SLC30A6: variants seen among roughly 807,000 people sequenced by gnomAD.
The protein encoded by SLC30A6 is solute carrier family 30 member 6.
SLC30A6 carries 55 observed loss-of-function variants against 63.0 expected under a neutral mutation model. That is an observed-to-expected ratio of 0.87 (90% CI 0.70 to 1.09). The LOEUF (loss-of-function observed/expected upper bound fraction) is 1.09, where lower values mean the gene tolerates loss of function less well. Among genes scored for constraint, SLC30A6 ranks in the 50% least tolerant of loss-of-function variants. The pLI is 0.00. For synonymous variants in SLC30A6, 224 were observed against 186.1 expected, an observed-to-expected ratio of 1.20 and a Z score of -1.66; for missense variants, 587 against 549.2, an observed-to-expected ratio of 1.07 and a Z score of -0.69.
intron 10 of SLC30A6, chr2:32,203,780 T>G: frequency 6.7e-7 from 1 of 1,494,194 alleles, no homozygotes; most frequent in Non-Finnish European, 9.3e-7. Flanking sequence ...CCAGCCAAAT[T>G]ACCTGAAATT....
At chr2:32,206,066 A>G (rs1684742097) in intron 11 of SLC30A6, among the ~76,000 whole-genome samples, 1 of 152,150 alleles carries the variant, frequency 6.6e-6, no homozygotes, top group South Asian at 2.1e-4. Context: ...CCACTGAATC[A>G]GTGAGACTTT....
At chr2:32,209,371 G>T in intron 12 of SLC30A6, 122 bp from the exon 13 acceptor site, 1 of 680,622 alleles carries the variant, frequency 1.5e-6, no homozygotes. Context: ...CTTAGCTAAT[G>T]AGTGTCCTTG....
chr2:32,210,807 A>G (rs747973258), intron 13 of SLC30A6, among the ~76,000 whole-genome samples: 2 of 152,098 alleles, frequency 1.3e-5, no homozygotes, highest in Non-Finnish European at 2.9e-5. Context: ...ACCTTCCCCA[A>G]CTCTTTCCCT....
Position 32,170,799 on chromosome 2 carries a change from A to G in SLC30A6, c.4-488A>G, listed in dbSNP as rs575087491. Reference sequence around the variant, plus strand: ...TTTTTAGTAGAGACAGGGTTTTGCCATGTTGGCCAGGCTGGTCTCAAACTC... The same window carrying G: ...TTTTTAGTAGAGACAGGGTTTTGCCGTGTTGGCCAGGCTGGTCTCAAACTC... On this transcript the variant is annotated intron_variant, in intron 1 of 13. Coordinates refer to ENST00000282587, the MANE Select transcript of SLC30A6 (RefSeq NM_017964.5). Among the ~76,000 whole-genome samples, 140 of 152,282 alleles carry G rather than the reference A, an allele frequency of 9.2e-4. 1 individual carries two copies. The highest frequency in any genetic ancestry group is 3.1e-3 in the African/African-American group (129 of 41,564).
At position 32,221,029 on chromosome 2, in the gene SLC30A6, G is replaced by A; in HGVS notation, c.*316G>A. 1 of 268,398 alleles carries A rather than the reference G, an allele frequency of 3.7e-6. No individual in the cohort carries two copies. The highest frequency in any genetic ancestry group is 7.2e-6 in the Non-Finnish European group (1 of 139,552). 16.6% of individuals were successfully genotyped at this position (268,398 alleles called of 1,614,324 possible). A position where few individuals can be genotyped will look rare whatever the true frequency, so the allele number is the denominator to read the frequency against. ...ACCTTTATAAGAGCCACTTGATGGA[G>A]TAGATCTGTCACATTACTAAGATAC... On this transcript the variant is annotated 3_prime_UTR_variant, in exon 14 of 14. Coordinates refer to ENST00000282587, the MANE Select transcript of SLC30A6 (RefSeq NM_017964.5).
intron 13 of SLC30A6, among the ~76,000 whole-genome samples, chr2:32,211,915 C>T (rs532946820): frequency 1.2e-4 from 19 of 152,286 alleles, no homozygotes; most frequent in Admixed American, 4.6e-4. Flanking sequence ...CTACTGCGCT[C>T]GGCCCACAGT....
intron 4 of SLC30A6, among the ~76,000 whole-genome samples, chr2:32,181,233 G>A (rs931780292): frequency 2.0e-5 from 3 of 152,104 alleles, no homozygotes; most frequent in Admixed American, 2.0e-4. Flanking sequence ...GTAGTAATGG[G>A]AAGTAAATTC....
intron 4 of SLC30A6, among the ~76,000 whole-genome samples, chr2:32,180,624 G>A (rs1402936101): frequency 6.6e-6 from 1 of 151,910 alleles, no homozygotes; most frequent in African/African-American, 2.4e-5. Flanking sequence ...GTGGAGATGG[G>A]GTTTCACCAT....
intron 1 of SLC30A6, among the ~76,000 whole-genome samples, chr2:32,169,196 G>A (rs901480767): frequency 2.0e-5 from 3 of 151,852 alleles, no homozygotes; most frequent in African/African-American, 7.3e-5. Context: ...TTTATTTCGA[G>A]ATGGGGTCTC....
At position 32,171,363 on chromosome 2, in the gene SLC30A6, C is replaced by G; in HGVS notation, c.80C>G (p.Ala27Gly). 6.2e-7 allele frequency: 1 copy of G among 1,613,468 alleles called. No homozygotes were observed. Residue 27 changes from alanine (A) to glycine (G), a missense_variant, in exon 2 of 14, where the codon GCT becomes GGT. Transcript: ENST00000282587. ...TTACGGGAATTTAGACTTGTAGCAG[C>G]TGACCGAAGGGTAAGTTATTCCTTA... ...KLLREFRLVAADRRSWKILLF... is the reference protein window; with the variant it reads ...KLLREFRLVAGDRRSWKILLF...
chr2:32,192,872 C>T, intron 6 of SLC30A6, 46 bp from the exon 7 acceptor site: 1 of 1,248,030 alleles, frequency 8.0e-7, no homozygotes, highest in Non-Finnish European at 1.1e-6. Context: ...AGCTTTTTAA[C>T]TTTATAATTT....
intron 1 of SLC30A6, among the ~76,000 whole-genome samples, chr2:32,170,155 AG>A (rs1681069739): frequency 6.6e-6 from 1 of 152,170 alleles, no homozygotes; most frequent in Admixed American, 6.5e-5. Context: ...CTATTAAGAA[AG>A]GCTTCCCCCA....
At chr2:32,210,300 T>C (rs1400041867) in intron 13 of SLC30A6, among the ~76,000 whole-genome samples, 1 of 151,706 alleles carries the variant, frequency 6.6e-6, no homozygotes, top group African/African-American at 2.4e-5. Context: ...TCACCTGAGG[T>C]TGAGAGTTTG....
At chr2:32,203,025 C>T in intron 10 of SLC30A6, 1 of 1,200,394 alleles carries the variant, frequency 8.3e-7, no homozygotes, top group Admixed American at 1.7e-5. Context: ...AGCCATGAAT[C>T]CACACATAAA....
At chr2:32,211,095 A>T (rs1479915884) in intron 13 of SLC30A6, among the ~76,000 whole-genome samples, 1 of 152,056 alleles carries the variant, frequency 6.6e-6, no homozygotes, top group Non-Finnish European at 1.5e-5. Context: ...GTGTAATGAG[A>T]CTGTTTTCCT....
At chr2:32,190,184 C>T (rs1221205689) in intron 5 of SLC30A6, among the ~76,000 whole-genome samples, 1 of 151,976 alleles carries the variant, frequency 6.6e-6, no homozygotes, top group East Asian at 1.9e-4. Flanking sequence ...TTAGGCCGGG[C>T]GCGGTGGCTC....
chr2:32,180,740 G>A (rs1050676692), intron 4 of SLC30A6, among the ~76,000 whole-genome samples: 1 of 152,100 alleles, frequency 6.6e-6, no homozygotes, highest in African/African-American at 2.4e-5. Flanking sequence ...GCCCATGCAT[G>A]TACTTTAAAA....
At chr2:32,203,814 ATCT>A (rs1346532073) in intron 10 of SLC30A6, 86 of 1,449,756 alleles carry the variant, frequency 5.9e-5, no homozygotes, top group Non-Finnish European at 6.4e-5. Flanking sequence ...ATAGAAACAC[ATCT>A]TCTAATTCCA....
At chr2:32,210,238 G>C (rs1042123358) in intron 13 of SLC30A6, among the ~76,000 whole-genome samples, 1 of 152,050 alleles carries the variant, frequency 6.6e-6, no homozygotes, top group Admixed American at 6.6e-5. Context: ...CGGGCTGGGC[G>C]TGGTAGCTCA....
Sources: gnomAD v4.1 joint callset for allele counts (sites outside exome capture counted in the v4.1 genomes callset) on GRCh38, gnomAD v4.1.1 for gene constraint, MANE v1.5 for transcripts, NCBI Gene and HGNC (gene_info 2026-07-23, HGNC 2026-07-21) for gene names.